USP46: variants seen among roughly 807,000 people sequenced by gnomAD.
USP46 encodes ubiquitin carboxyl-terminal hydrolase 46.
In USP46, 12 loss-of-function variants were observed where a neutral mutation model predicts 44.4. The observed-to-expected ratio is 0.27, with a 90% CI of 0.17 to 0.44. The LOEUF (loss-of-function observed/expected upper bound fraction) is 0.44. Ranked by LOEUF, USP46 falls within the 20% of genes least tolerant of loss-of-function variation. The pLI is 1.00. For missense variants in USP46, 248 were observed against 444.8 expected (o/e 0.56, Z 3.98); for synonymous variants, 155 against 161.5 (o/e 0.96, Z 0.31).
At position 52,597,604 on chromosome 4, in the gene USP46, T is replaced by C; in HGVS notation, c.*36A>G. 6.9e-7 allele frequency: 1 copy of C among 1,447,752 alleles called. No homozygotes were observed. Among genetic ancestry groups the C allele is most frequent in the Non-Finnish European group, 9.5e-7 (1 of 1,053,358 alleles). 89.7% of individuals were successfully genotyped at this position (1,447,752 alleles called of 1,614,324 possible). ...AAGCCGGGTGACAGTGCTGTGAACATTCTCCCCACGTGAATCAGTCCCGCA... is the reference window on the plus strand; with the variant it reads ...AAGCCGGGTGACAGTGCTGTGAACACTCTCCCCACGTGAATCAGTCCCGCA... On this transcript the variant is annotated 3_prime_UTR_variant, in exon 9 of 9. Transcript: ENST00000441222.
At chr4:52,645,506 G>A (rs1431231741) in intron 1 of USP46, among the ~76,000 whole-genome samples, 1 of 152,140 alleles carries the variant, frequency 6.6e-6, no homozygotes, top group African/African-American at 2.4e-5. Flanking sequence ...CTGTTTTCTA[G>A]CTGCAGGTGG....
chr4:52,609,351 G>A (rs1295806424), intron 5 of USP46, among the ~76,000 whole-genome samples: 1 of 152,164 alleles, frequency 6.6e-6, no homozygotes, highest in African/African-American at 2.4e-5. Flanking sequence ...GAGATATGCA[G>A]ACATAACATT....
At chr4:52,622,821 C>G (rs536671471) in intron 4 of USP46, among the ~76,000 whole-genome samples, 1 of 152,254 alleles carries the variant, frequency 6.6e-6, no homozygotes, top group African/African-American at 2.4e-5. Flanking sequence ...GCATTCCAGA[C>G]AGAAAGTGGC....
chr4:52,658,901 T>A (rs1719062650), intron 1 of USP46, among the ~76,000 whole-genome samples: 1 of 150,824 alleles, frequency 6.6e-6, no homozygotes, highest in East Asian at 2.0e-4. Context: ...GGTTCCGAGG[T>A]CCCGGGGCTG....
chr4:52,612,938 CA>C (rs1716989106), intron 4 of USP46, among the ~76,000 whole-genome samples: 1 of 152,046 alleles, frequency 6.6e-6, no homozygotes, highest in Admixed American at 6.5e-5. Context: ...AATGAAAGTT[CA>C]AAAGACTGGC....
At chr4:52,606,912 C>T (rs1392025417) in intron 5 of USP46, among the ~76,000 whole-genome samples, 2 of 152,134 alleles carry the variant, frequency 1.3e-5, no homozygotes, top group Non-Finnish European at 2.9e-5. Flanking sequence ...TGAATGAATA[C>T]TTCAATTGAG....
chr4:52,624,695 C>T (rs1203254132), intron 4 of USP46, among the ~76,000 whole-genome samples: 1 of 152,186 alleles, frequency 6.6e-6, no homozygotes, highest in Non-Finnish European at 1.5e-5. Flanking sequence ...TTGAAACCCT[C>T]ATCTCTAATA....
rs1382914099 is a variant in USP46 at position 52,597,540 on chromosome 4, C to T, written c.*100G>A. The T allele has an allele frequency of 1.3e-6, 1 of 764,942 alleles. No individual in the cohort carries two copies. The highest frequency in any genetic ancestry group is 2.2e-6 in the Non-Finnish European group (1 of 451,064). The allele number at this position is 764,942 out of a possible 1,614,324, so 47.4% of individuals were successfully genotyped here. On this transcript the variant is annotated 3_prime_UTR_variant, in exon 9 of 9. Coordinates refer to ENST00000441222, the MANE Select transcript of USP46 (RefSeq NM_022832.4). ...CAGACCATTGAGACTCGGAGTGATA[C>T]CATTAGTGGGCCACTGGGGAAGAGG...
At chr4:52,656,532 C>A (rs1487208681) in intron 1 of USP46, 27 of 1,412,396 alleles carry the variant, frequency 1.9e-5, no homozygotes, top group Non-Finnish European at 2.5e-5. Flanking sequence ...GTTGCTTCCA[C>A]CAGGTCTGAA....
At chr4:52,608,396 T>C (rs750700058) in intron 5 of USP46, among the ~76,000 whole-genome samples, 6 of 152,210 alleles carry the variant, frequency 3.9e-5, no homozygotes, top group Non-Finnish European at 7.3e-5. Context: ...CACACAGAAA[T>C]ACTACATGAG....
intron 4 of USP46, among the ~76,000 whole-genome samples, chr4:52,610,819 C>A (rs933490984): frequency 6.6e-6 from 1 of 152,188 alleles, no homozygotes. Context: ...TTAACCTCAT[C>A]CCCTTCCCAG....
At chr4:52,641,379 C>G (rs1420247243) in intron 1 of USP46, among the ~76,000 whole-genome samples, 2 of 152,140 alleles carry the variant, frequency 1.3e-5, no homozygotes, top group African/African-American at 4.8e-5. Context: ...GTTAGCTCCT[C>G]AAAGCACCTC....
intron 2 of USP46, among the ~76,000 whole-genome samples, chr4:52,630,253 A>G (rs1036670800): frequency 1.3e-5 from 2 of 152,092 alleles, no homozygotes; most frequent in African/African-American, 4.8e-5. Flanking sequence ...GCTGAGTGCA[A>G]AAAAAATGAG....
intron 4 of USP46, among the ~76,000 whole-genome samples, chr4:52,620,251 T>A (rs1346446295): frequency 6.6e-6 from 1 of 152,134 alleles, no homozygotes; most frequent in African/African-American, 2.4e-5. Flanking sequence ...TCTGAGCCCA[T>A]CTTCTGAGGC....
At chr4:52,636,563 G>A (rs112597079) in intron 1 of USP46, among the ~76,000 whole-genome samples, 15 of 151,456 alleles carry the variant, frequency 9.9e-5, no homozygotes, top group Admixed American at 7.2e-4. Flanking sequence ...AAAATTAGCC[G>A]GGCATGATAG....
Position 52,627,924 on chromosome 4 carries a change from AATACATT to A in USP46, c.331+19_331+25del. The A allele has an allele frequency of 6.3e-7, 1 of 1,595,818 alleles. No individual in the cohort carries two copies. Among genetic ancestry groups the A allele is most frequent in the Non-Finnish European group, 8.5e-7 (1 of 1,169,874 alleles). On this transcript the variant is annotated intron_variant, in intron 3 of 8. Transcript: ENST00000441222. The stretch of plus-strand genomic sequence containing the variant: ...CAATTCTCCTTATTTCAGAGGCTTA[AATACATT>A]ATACTGCATACTACTCACCATTCTC...
At chr4:52,655,822 T>C (rs1383234606) in intron 1 of USP46, among the ~76,000 whole-genome samples, 2 of 152,032 alleles carry the variant, frequency 1.3e-5, no homozygotes, top group African/African-American at 4.8e-5. Flanking sequence ...GGAAGAAAAA[T>C]TAAAACAAAT....
rs368369879 is a variant in USP46, at chr4:52,638,649, T to C, written c.37-7505A>G. Among the ~76,000 whole-genome samples the C allele has an allele frequency of 4.7e-5, 7 of 148,084 alleles. No individual in the cohort carries two copies. The East Asian group carries it at 7.8e-4, about 16-fold the overall frequency. On this transcript the variant is annotated intron_variant, in intron 1 of 8. Coordinates refer to ENST00000441222, the MANE Select transcript of USP46 (RefSeq NM_022832.4). ...TATAATATATATAATTTTATATATA[T>C]ATTTTTTTTATGAAAAAAATATATA...
intron 1 of USP46, chr4:52,656,468 G>T: frequency 6.9e-7 from 1 of 1,446,190 alleles, no homozygotes; most frequent in Non-Finnish European, 9.1e-7. Flanking sequence ...CAGGGGGCGG[G>T]GTTAAGGATT....
Sources: gnomAD v4.1 joint callset for allele counts (sites outside exome capture counted in the v4.1 genomes callset) on GRCh38, gnomAD v4.1.1 for gene constraint, MANE v1.5 for transcripts, NCBI Gene and HGNC (gene_info 2026-07-23, HGNC 2026-07-21) for gene names.